Variants in MYO1D observed in about 807,000 individuals in gnomAD.
The protein encoded by MYO1D is myosin ID, also known as unconventional myosin-Id.
MYO1D carries 83 observed loss-of-function variants against 122.0 expected under a neutral mutation model. The observed-to-expected ratio is 0.68, with a 90% CI of 0.57 to 0.82. The LOEUF is 0.82. Among genes scored for constraint, MYO1D ranks in the 40% least tolerant of loss-of-function variants. The pLI, the probability that MYO1D is intolerant of heterozygous loss-of-function variation, is 0.00. For missense variants in MYO1D, 1,157 were observed against 1,269.5 expected, an observed-to-expected ratio of 0.91 and a Z score of 1.35; for synonymous variants, 464 against 446.9, an observed-to-expected ratio of 1.04 and a Z score of -0.48.
chr17:32,861,100 G>A (rs1350518177), intron 1 of MYO1D, among the ~76,000 whole-genome samples: 7 of 143,472 alleles, frequency 4.9e-5, no homozygotes, highest in African/African-American at 1.8e-4. Flanking sequence ...ACGGAGTCTC[G>A]CTCTGTTGCC....
At chr17:32,794,974 A>T (rs1023051695) in intron 1 of MYO1D, among the ~76,000 whole-genome samples, 5 of 152,134 alleles carry the variant, frequency 3.3e-5, no homozygotes, top group Non-Finnish European at 5.9e-5. Context: ...GAGACAGAGA[A>T]GTAGACAGGC....
At chr17:32,630,199 C>T (rs543961129) in intron 20 of MYO1D, among the ~76,000 whole-genome samples, 3 of 152,192 alleles carry the variant, frequency 2.0e-5, no homozygotes, top group East Asian at 1.9e-4. Flanking sequence ...AATGAATCCC[C>T]GGTAGCAACA....
At position 32,801,772 on chromosome 17, in the gene MYO1D, A is replaced by C. The variant is rs1251606601; in HGVS notation, c.96-20988T>G. On this transcript the variant is annotated intron_variant, in intron 1 of 21. Transcript: ENST00000318217. ...AGAGCAATGACACACCAATGGCAAC[A>C]ACCATATCTACCACCCAGTTCTTGA... is the stretch of plus-strand genomic sequence containing the variant. Among the ~76,000 whole-genome samples, 6 of 152,314 alleles carry C rather than the reference A, an allele frequency of 3.9e-5. No individual in the cohort carries two copies. The East Asian group carries it at 1.2e-3, about 29-fold the overall frequency.
rs1190178070 is a variant in MYO1D at position 32,609,501 on chromosome 17, AT to A, written c.2710-4261del. ...AGAAAAACACCTTAACAATTTACAGATTTGCAGTGTCACTTAGTTCCATGCC... is the reference window on the plus strand; with the variant it reads ...AGAAAAACACCTTAACAATTTACAGATTGCAGTGTCACTTAGTTCCATGCC... On this transcript the variant is annotated intron_variant, in intron 20 of 21. Transcript: ENST00000318217. Among the ~76,000 whole-genome samples, 3 of 152,286 alleles carry A rather than the reference AT, an allele frequency of 2.0e-5. No individual in the cohort carries two copies. In the South Asian group the frequency reaches 6.2e-4, roughly 32 times the overall value.
At chr17:32,661,952 T>C (rs2088572023) in intron 16 of MYO1D, among the ~76,000 whole-genome samples, 2 of 152,198 alleles carry the variant, frequency 1.3e-5, no homozygotes, top group South Asian at 4.1e-4. Context: ...TTATTGTGTG[T>C]ATTTGTTTTT....
chr17:32,701,462 C>T (rs2089247814), intron 16 of MYO1D, among the ~76,000 whole-genome samples: 1 of 151,990 alleles, frequency 6.6e-6, no homozygotes, highest in Non-Finnish European at 1.5e-5. Flanking sequence ...ATTGATAATT[C>T]AAGAGAAAAA....
chr17:32,532,004 A>G (rs1378462765), intron 21 of MYO1D, among the ~76,000 whole-genome samples: 1 of 152,212 alleles, frequency 6.6e-6, no homozygotes, highest in Non-Finnish European at 1.5e-5. Flanking sequence ...GCAAACCACC[A>G]TGACCAAGTA....
chr17:32,602,235 T>C (rs1237326236), intron 21 of MYO1D, among the ~76,000 whole-genome samples: 1 of 152,206 alleles, frequency 6.6e-6, no homozygotes, highest in Non-Finnish European at 1.5e-5. Flanking sequence ...AATTCTAGTA[T>C]CTTTGTCTGT....
At chr17:32,596,108 G>A (rs556215281) in intron 21 of MYO1D, among the ~76,000 whole-genome samples, 17 of 152,296 alleles carry the variant, frequency 1.1e-4, no homozygotes, top group Middle Eastern at 3.4e-3. Flanking sequence ...TAAGTCAGGT[G>A]CCTTCAATAA....
At chr17:32,823,925 G>C (rs888882542) in intron 1 of MYO1D, among the ~76,000 whole-genome samples, 4 of 151,918 alleles carry the variant, frequency 2.6e-5, no homozygotes, top group African/African-American at 9.7e-5. Flanking sequence ...AAATTAGCGG[G>C]GCGTGGTGGT....
At chr17:32,825,628 C>T (rs966695213) in intron 1 of MYO1D, among the ~76,000 whole-genome samples, 15 of 152,232 alleles carry the variant, frequency 9.9e-5, no homozygotes, top group Admixed American at 5.9e-4. Flanking sequence ...TGCTCATATG[C>T]GCAGAGTTTT....
chr17:32,807,978 G>A (rs2090532731), intron 1 of MYO1D, among the ~76,000 whole-genome samples: 1 of 152,120 alleles, frequency 6.6e-6, no homozygotes, highest in African/African-American at 2.4e-5. Context: ...CTTTTAGGTT[G>A]CTCCTGCTTT....
At chr17:32,612,722 G>C (rs1431296394) in intron 20 of MYO1D, among the ~76,000 whole-genome samples, 1 of 137,564 alleles carries the variant, frequency 7.3e-6, no homozygotes, top group South Asian at 2.4e-4. Flanking sequence ...AGAAGAAGAA[G>C]AAATTAGAAG....
At chr17:32,776,068 TAG>T in intron 3 of MYO1D, 39 bp from the exon 4 acceptor site, 2 of 1,571,414 alleles carry the variant, frequency 1.3e-6, no homozygotes, top group Non-Finnish European at 1.7e-6. Flanking sequence ...TAAAAACTTA[TAG>T]AGACTAGAAT....
At chr17:32,761,451 G>A (rs2090001344) in intron 8 of MYO1D, among the ~76,000 whole-genome samples, 1 of 152,070 alleles carries the variant, frequency 6.6e-6, no homozygotes, top group Non-Finnish European at 1.5e-5. Context: ...TGCCTTCTTG[G>A]AACACTCTTC....
chr17:32,783,508 G>A (rs2090261437), intron 1 of MYO1D, among the ~76,000 whole-genome samples: 2 of 152,262 alleles, frequency 1.3e-5, no homozygotes, highest in East Asian at 1.9e-4. Context: ...GGACAACACA[G>A]CAAGATCTCA....
intron 20 of MYO1D, among the ~76,000 whole-genome samples, chr17:32,607,945 G>GAAATA (rs1320389531): frequency 6.6e-6 from 1 of 152,116 alleles, no homozygotes; most frequent in Non-Finnish European, 1.5e-5. Context: ...CATGCAAACG[G>GAAATA]AAATAAAAGT....
At chr17:32,526,704 G>A (rs1484112635) in intron 21 of MYO1D, among the ~76,000 whole-genome samples, 1 of 151,980 alleles carries the variant, frequency 6.6e-6, no homozygotes, top group Non-Finnish European at 1.5e-5. Flanking sequence ...CCAGGCTGGG[G>A]TGCAGGTGCA....
chr17:32,871,605 CAAAT>C (rs1034917409), intron 1 of MYO1D, among the ~76,000 whole-genome samples: 2 of 152,176 alleles, frequency 1.3e-5, no homozygotes, highest in African/African-American at 2.4e-5. Context: ...GAACCAATAA[CAAAT>C]AAAGTTAAGA....
Sources: allele counts gnomAD v4.1 joint callset (sites outside exome capture counted in the v4.1 genomes callset), GRCh38; gene constraint gnomAD v4.1.1; transcripts MANE v1.5; gene names NCBI Gene and HGNC (gene_info 2026-07-23, HGNC 2026-07-21).